CCDC138: variants seen among roughly 807,000 people sequenced by gnomAD.
CCDC138 encodes the protein coiled-coil domain containing 138.
Under a neutral mutation model 82.3 loss-of-function variants are expected in CCDC138, and 66 were observed. The observed-to-expected ratio is 0.80, with a 90% CI of 0.66 to 0.98. The LOEUF (loss-of-function observed/expected upper bound fraction) is 0.98. CCDC138 is among the 50% of genes least tolerant of loss of function. The pLI is 0.00. For synonymous variants in CCDC138, 297 were observed against 265.4 expected, an observed-to-expected ratio of 1.12 and a Z score of -1.16; for missense variants, 816 against 758.9, an observed-to-expected ratio of 1.08 and a Z score of -0.88.
chr2:108,843,615 A>G (rs1689887623), intron 11 of CCDC138, among the ~76,000 whole-genome samples: 1 of 152,054 alleles, frequency 6.6e-6, no homozygotes, highest in Non-Finnish European at 1.5e-5. Context: ...TCTGCCCTCC[A>G]TGGTTTCTGA....
intron 8 of CCDC138, 47 bp downstream of exon 8, chr2:108,812,755 A>G (rs1684091340): frequency 6.2e-7 from 1 of 1,610,244 alleles, no homozygotes; most frequent in Admixed American, 1.7e-5. Flanking sequence ...TTTTTAGATG[A>G]TTACCTTTGA....
At chr2:108,815,599 G>A (rs956652834) in intron 9 of CCDC138, among the ~76,000 whole-genome samples, 2 of 150,762 alleles carry the variant, frequency 1.3e-5, no homozygotes, top group African/African-American at 4.9e-5. Context: ...CCGAGTAGCT[G>A]GGATTACAGG....
intron 10 of CCDC138, among the ~76,000 whole-genome samples, chr2:108,835,783 T>G (rs1663473188): frequency 6.6e-6 from 1 of 152,226 alleles, no homozygotes; most frequent in Non-Finnish European, 1.5e-5. Flanking sequence ...ATTGTCTCTG[T>G]TTTGTGCTGT....
chr2:108,846,160 A>C (rs191021274), intron 11 of CCDC138, among the ~76,000 whole-genome samples: 78 of 152,282 alleles, frequency 5.1e-4, no homozygotes, highest in Non-Finnish European at 1.0e-3. Flanking sequence ...ATGGTGGAGC[A>C]ATCAGCAACT....
In CCDC138 at chr2:108,873,573, A is replaced by G. The variant is rs746304702; in HGVS notation, c.1816A>G (p.Lys606Glu). The part of the protein sequence containing the change: ...ILEKLSIILQ[K>E]LSKIKSNKKL... ...AGAAAAACTCAGTATTATTTTACAG[A>G]AACTTTCCAAAATCAAGTAAGAATT... is the stretch of plus-strand genomic sequence containing the variant. Residue 606 changes from lysine to glutamate, a missense_variant, in exon 14 of 15, where the codon AAA (lysine) becomes GAA (glutamate). Coordinates refer to ENST00000295124, the MANE Select transcript of CCDC138 (RefSeq NM_144978.3). 1 of 1,594,534 alleles carries G rather than the reference A, an allele frequency of 6.3e-7. No individual in the cohort carries two copies. The highest frequency in any genetic ancestry group is 1.1e-5 in the South Asian group (1 of 86,968).
At position 108,864,634 on chromosome 2, in the gene CCDC138, A is replaced by T. The variant is rs1694130093; in HGVS notation, c.1693+7664A>T. ...AACATGGTGAAACCCTGTCTCTACT[A>T]AAAAAACAAAAAAGCCAGGCGTGGT... On this transcript the variant is annotated intron_variant, in intron 13 of 14. Coordinates refer to ENST00000295124, the MANE Select transcript of CCDC138 (RefSeq NM_144978.3). Among the ~76,000 whole-genome samples, 3 of 152,160 alleles carry T rather than the reference A, an allele frequency of 2.0e-5. No individual in the cohort carries two copies. The South Asian group carries it at 6.2e-4, about 32-fold the overall frequency.
intron 12 of CCDC138, among the ~76,000 whole-genome samples, chr2:108,849,438 A>G (rs562548418): frequency 1.3e-5 from 2 of 151,984 alleles, no homozygotes; most frequent in African/African-American, 4.8e-5. Context: ...CCTTTCCTCC[A>G]CACCCTGGCC....
At chr2:108,787,158 T>C (rs1041709529) in intron 1 of CCDC138, among the ~76,000 whole-genome samples, 18 of 152,192 alleles carry the variant, frequency 1.2e-4, no homozygotes, top group Non-Finnish European at 1.9e-4. Flanking sequence ...TGGTGTGGTG[T>C]TGGAGAAAGT....
chr2:108,821,043 G>A (rs763903032), intron 10 of CCDC138, among the ~76,000 whole-genome samples: 1 of 152,100 alleles, frequency 6.6e-6, no homozygotes, highest in Non-Finnish European at 1.5e-5. Flanking sequence ...GTCTATGTTA[G>A]GGGTTAATAC....
At chr2:108,820,977 T>G (rs1003472134) in intron 10 of CCDC138, among the ~76,000 whole-genome samples, 47 of 151,576 alleles carry the variant, frequency 3.1e-4, no homozygotes, top group Admixed American at 6.6e-5. Flanking sequence ...GTATGTAAGT[T>G]GATTTTTAAT....
At chr2:108,823,528 ACCAG>A (rs1686064472) in intron 10 of CCDC138, among the ~76,000 whole-genome samples, 1 of 152,224 alleles carries the variant, frequency 6.6e-6, no homozygotes, top group South Asian at 2.1e-4. Flanking sequence ...ATAGCCTACT[ACCAG>A]CCTAGGCTAT....
intron 12 of CCDC138, among the ~76,000 whole-genome samples, chr2:108,849,332 A>C (rs1452234652): frequency 6.6e-6 from 1 of 152,150 alleles, no homozygotes; most frequent in Admixed American, 6.5e-5. Context: ...TATGGTGAAA[A>C]CTATAAACAC....
At chr2:108,851,706 A>G (rs762859323) in intron 12 of CCDC138, among the ~76,000 whole-genome samples, 7 of 152,188 alleles carry the variant, frequency 4.6e-5, no homozygotes, top group East Asian at 1.9e-4. Flanking sequence ...ACAATCAGAA[A>G]GTCCAGGAAA....
chr2:108,856,464 TGTA>T (rs1228386820), intron 12 of CCDC138, among the ~76,000 whole-genome samples: 7 of 152,178 alleles, frequency 4.6e-5, no homozygotes, highest in African/African-American at 1.7e-4. Flanking sequence ...TTTGGAAGCA[TGTA>T]GTAGTTATCA....
At chr2:108,862,777 C>T (rs1404712047) in intron 13 of CCDC138, among the ~76,000 whole-genome samples, 2 of 151,974 alleles carry the variant, frequency 1.3e-5, no homozygotes, top group East Asian at 3.9e-4. Flanking sequence ...AAACGGTTTT[C>T]TTGATGTTGG....
At chr2:108,840,364 G>C (rs927166660) in intron 11 of CCDC138, among the ~76,000 whole-genome samples, 1 of 152,110 alleles carries the variant, frequency 6.6e-6, no homozygotes, top group Non-Finnish European at 1.5e-5. Context: ...ATTGGGAAGG[G>C]TCTTATCCTT....
intron 5 of CCDC138, among the ~76,000 whole-genome samples, chr2:108,796,148 A>G (rs1254673495): frequency 6.6e-6 from 1 of 152,050 alleles, no homozygotes; most frequent in African/African-American, 2.4e-5. Context: ...TCCTGGGTTC[A>G]TGCCATTCTC....
chr2:108,833,713 A>G (rs891698797), intron 10 of CCDC138, among the ~76,000 whole-genome samples: 1 of 145,636 alleles, frequency 6.9e-6, no homozygotes, highest in Admixed American at 7.3e-5. Flanking sequence ...ATCAAAATTT[A>G]ATGTGGAGTA....
intron 4 of CCDC138, 107 bp from the exon 5 acceptor site, chr2:108,794,433 T>C: frequency 2.9e-6 from 3 of 1,033,742 alleles, no homozygotes; most frequent in Non-Finnish European, 4.0e-6. Context: ...TGAAACTTTT[T>C]AATGTTATAT....
Sources: gnomAD v4.1 joint callset for allele counts (sites outside exome capture counted in the v4.1 genomes callset) on GRCh38, gnomAD v4.1.1 for gene constraint, MANE v1.5 for transcripts, NCBI Gene and HGNC (gene_info 2026-07-23, HGNC 2026-07-21) for gene names.